ABTB3: variants seen among roughly 807,000 people sequenced by gnomAD.
The protein encoded by ABTB3 is ankyrin repeat- and BTB/POZ domain-containing protein 3.
At chr12:107,533,837 A>T in the ABTB3 span, among the ~76,000 whole-genome samples, 2 of 152,220 alleles carry the variant, frequency 1.3e-5, no homozygotes, top group Non-Finnish European at 2.9e-5. Flanking sequence ...TTTCTCAACA[A>T]CACATGGAAT....
chr12:107,467,478 A>G, the ABTB3 span, among the ~76,000 whole-genome samples: 1 of 152,180 alleles, frequency 6.6e-6, no homozygotes, highest in Non-Finnish European at 1.5e-5. Flanking sequence ...AGCAACAACC[A>G]GAGCACTTGA....
chr12:107,615,106 C>T, the ABTB3 span: 9 of 1,614,016 alleles, frequency 5.6e-6, no homozygotes, highest in African/African-American at 4.0e-5. Context: ...CCCCGAGACC[C>T]GCCATTGGAC....
chr12:107,628,387 C>G, the ABTB3 span, among the ~76,000 whole-genome samples: 1 of 152,218 alleles, frequency 6.6e-6, no homozygotes, highest in African/African-American at 2.4e-5. Flanking sequence ...AGGTGATCCA[C>G]CCGCCTCAGC....
At chr12:107,437,356 C>T in the ABTB3 span, among the ~76,000 whole-genome samples, 4 of 151,780 alleles carry the variant, frequency 2.6e-5, no homozygotes, top group Admixed American at 1.3e-4. Flanking sequence ...ACACTGCCTC[C>T]TCTCTTGTCT....
chr12:107,554,333 G>A, the ABTB3 span, among the ~76,000 whole-genome samples: 1 of 150,576 alleles, frequency 6.6e-6, no homozygotes, highest in Non-Finnish European at 1.5e-5. Context: ...CATCAATTAG[G>A]AAGAATAGTT....
the ABTB3 span, among the ~76,000 whole-genome samples, chr12:107,427,601 AG>A: frequency 6.6e-6 from 1 of 152,188 alleles, no homozygotes; most frequent in Non-Finnish European, 1.5e-5. Flanking sequence ...CAGATAATAC[AG>A]GATAATCTTC....
At chr12:107,320,491 G>A in the ABTB3 span, 1 of 447,258 alleles carries the variant, frequency 2.2e-6, no homozygotes, top group South Asian at 1.6e-5. Context: ...CTAGGACTTG[G>A]GAGGAGGCGC....
the ABTB3 span, among the ~76,000 whole-genome samples, chr12:107,413,131 G>T: frequency 2.0e-5 from 3 of 151,474 alleles, no homozygotes; most frequent in African/African-American, 7.3e-5. Flanking sequence ...AAAATTAGCC[G>T]GGCGTGGTGG....
chr12:107,353,218 G>A, the ABTB3 span, among the ~76,000 whole-genome samples: 1 of 152,184 alleles, frequency 6.6e-6, no homozygotes, highest in Non-Finnish European at 1.5e-5. Flanking sequence ...AAACATGTAG[G>A]GAGTACCCAC....
chr12:107,433,119 A>C, the ABTB3 span, among the ~76,000 whole-genome samples: 1 of 150,774 alleles, frequency 6.6e-6, no homozygotes, highest in East Asian at 2.0e-4. Context: ...CCCCGTCTCT[A>C]CTAAAAATAC....
the ABTB3 span, among the ~76,000 whole-genome samples, chr12:107,555,806 C>T: frequency 3.3e-5 from 5 of 152,142 alleles, no homozygotes; most frequent in Non-Finnish European, 7.3e-5. Context: ...TGGGACATCC[C>T]TGAATTAGAG....
At chr12:107,617,509 C>T in the ABTB3 span, 1 of 1,566,486 alleles carries the variant, frequency 6.4e-7, no homozygotes, top group Admixed American at 1.8e-5. Context: ...AGGCCTACCC[C>T]AGACCCATTG....
At chr12:107,354,382 T>G in the ABTB3 span, among the ~76,000 whole-genome samples, 2 of 152,026 alleles carry the variant, frequency 1.3e-5, no homozygotes, top group Non-Finnish European at 2.9e-5. Flanking sequence ...GCAGTCATAC[T>G]CCCCCAATTC....
At chr12:107,340,621 G>C in the ABTB3 span, among the ~76,000 whole-genome samples, 3 of 151,912 alleles carry the variant, frequency 2.0e-5, no homozygotes, top group Non-Finnish European at 4.4e-5. Context: ...CAGTTCACTG[G>C]TCCCTTTTCC....
the ABTB3 span, among the ~76,000 whole-genome samples, chr12:107,612,574 G>A: frequency 6.6e-5 from 10 of 152,200 alleles, no homozygotes; most frequent in Admixed American, 1.3e-4. Context: ...TGAAAAGGCC[G>A]AGGAGGCTCC....
the ABTB3 span, among the ~76,000 whole-genome samples, chr12:107,479,346 A>G: frequency 2.0e-5 from 3 of 151,916 alleles, no homozygotes; most frequent in Non-Finnish European, 4.4e-5. Flanking sequence ...GGTCTTTGGT[A>G]CAGTGAAGAG....
chr12:107,594,362 G>C, the ABTB3 span, among the ~76,000 whole-genome samples: 1 of 152,152 alleles, frequency 6.6e-6, no homozygotes, highest in Non-Finnish European at 1.5e-5. Context: ...TTGGCAGGGA[G>C]GAGGACTTAG....
chr12:107,633,301 G>A, the ABTB3 span, among the ~76,000 whole-genome samples: 2 of 152,146 alleles, frequency 1.3e-5, no homozygotes, highest in African/African-American at 2.4e-5. Context: ...ACCAAACACC[G>A]AGTCTGCGGG....
the ABTB3 span, among the ~76,000 whole-genome samples, chr12:107,521,091 T>C: frequency 6.6e-6 from 1 of 152,018 alleles, no homozygotes; most frequent in African/African-American, 2.4e-5. Flanking sequence ...AAATATTACG[T>C]GTGTATTCAG....
Sources: gnomAD v4.1 joint callset for allele counts (sites outside exome capture counted in the v4.1 genomes callset) on GRCh38, gnomAD v4.1.1 for gene constraint, MANE v1.5 for transcripts, NCBI Gene and HGNC (gene_info 2026-07-23, HGNC 2026-07-21) for gene names.